The following GRID2 variants were observed in gnomAD, a reference collection of about 807,000 sequenced individuals.
The protein encoded by GRID2 is glutamate receptor ionotropic, delta-2.
GRID2 carries 33 observed loss-of-function variants against 114.8 expected under a neutral mutation model. That is an observed-to-expected ratio of 0.29 (90% CI 0.22 to 0.38). GRID2 has a LOEUF of 0.38. Among genes scored for constraint, GRID2 ranks in the 10% least tolerant of loss-of-function variants. The pLI, the probability that GRID2 is intolerant of heterozygous loss-of-function variation, is 1.00. For synonymous variants in GRID2, 505 were observed against 449.9 expected, an observed-to-expected ratio of 1.12 and a Z score of -1.55; for missense variants, 1,184 against 1,257.7, an observed-to-expected ratio of 0.94 and a Z score of 0.89.
intron 11 of GRID2, among the ~76,000 whole-genome samples, chr4:93,471,654 C>T (rs1371105488): frequency 6.9e-6 from 1 of 145,584 alleles, no homozygotes; most frequent in Non-Finnish European, 1.5e-5. Context: ...AGACATATTC[C>T]TTATTCATTA....
At chr4:92,380,093 C>T (rs771508663) in intron 1 of GRID2, among the ~76,000 whole-genome samples, 14 of 151,492 alleles carry the variant, frequency 9.2e-5, no homozygotes, top group Admixed American at 2.6e-4. Flanking sequence ...TATAATGGGC[C>T]CTTGATTTGT....
chr4:92,479,578 A>C (rs1722484309), intron 1 of GRID2, among the ~76,000 whole-genome samples: 1 of 152,180 alleles, frequency 6.6e-6, no homozygotes, highest in Admixed American at 6.6e-5. Flanking sequence ...AAACTGAGGC[A>C]CAGATACATT....
intron 2 of GRID2, among the ~76,000 whole-genome samples, chr4:92,983,467 A>G (rs1032000761): frequency 7.9e-5 from 12 of 152,142 alleles, no homozygotes; most frequent in African/African-American, 2.9e-4. Context: ...TGGTGAGGAC[A>G]TATTCAAACC....
chr4:93,616,789 G>A (rs1051622924), intron 13 of GRID2, among the ~76,000 whole-genome samples: 9 of 151,364 alleles, frequency 5.9e-5, no homozygotes, highest in Admixed American at 4.0e-4. Flanking sequence ...TGAGGCGATC[G>A]AGACCATCCT....
At chr4:93,358,715 T>C (rs767124826) in intron 8 of GRID2, among the ~76,000 whole-genome samples, 5 of 152,084 alleles carry the variant, frequency 3.3e-5, no homozygotes, top group Non-Finnish European at 7.4e-5. Context: ...TCTACCCAGA[T>C]TTTTCTTCTT....
At chr4:93,157,211 G>A (rs1737268857) in intron 4 of GRID2, among the ~76,000 whole-genome samples, 1 of 151,524 alleles carries the variant, frequency 6.6e-6, no homozygotes, top group South Asian at 2.1e-4. Context: ...TTCATACTCA[G>A]GGATGCCTAC....
At chr4:93,411,601 AT>A (rs1193986006) in intron 9 of GRID2, among the ~76,000 whole-genome samples, 2 of 151,854 alleles carry the variant, frequency 1.3e-5, no homozygotes, top group Non-Finnish European at 2.9e-5. Flanking sequence ...CACCTGGCTA[AT>A]TTTTGTAGTT....
At chr4:93,672,349 T>C (rs1479489438) in intron 14 of GRID2, among the ~76,000 whole-genome samples, 1 of 152,194 alleles carries the variant, frequency 6.6e-6, no homozygotes, top group East Asian at 1.9e-4. Flanking sequence ...GGGGTGTCGA[T>C]GGAGTGTGGA....
At chr4:92,538,502 A>G (rs189918390) in intron 1 of GRID2, among the ~76,000 whole-genome samples, 1 of 152,194 alleles carries the variant, frequency 6.6e-6, no homozygotes, top group Non-Finnish European at 1.5e-5. Flanking sequence ...GTCTCATGAG[A>G]AAGTATGACT....
At chr4:92,437,548 C>T (rs939055971) in intron 1 of GRID2, among the ~76,000 whole-genome samples, 2 of 152,182 alleles carry the variant, frequency 1.3e-5, no homozygotes, top group East Asian at 1.9e-4. Context: ...GGATTACAGG[C>T]GTGAGCTACT....
chr4:93,043,318 A>T (rs1725783364), intron 2 of GRID2, among the ~76,000 whole-genome samples: 1 of 152,334 alleles, frequency 6.6e-6, no homozygotes, highest in East Asian at 1.9e-4. Flanking sequence ...GATACCATTA[A>T]CATATAGAGT....
chr4:92,662,739 A>T (rs1190605623), intron 2 of GRID2, among the ~76,000 whole-genome samples: 1 of 151,220 alleles, frequency 6.6e-6, no homozygotes, highest in Non-Finnish European at 1.5e-5. Context: ...TATATTCCAA[A>T]TCAATTGTTT....
chr4:93,026,823 T>C (rs1723925405), intron 2 of GRID2, among the ~76,000 whole-genome samples: 1 of 152,046 alleles, frequency 6.6e-6, no homozygotes, highest in Admixed American at 6.6e-5. Flanking sequence ...ATCATTCATT[T>C]ATAATTTAAT....
In GRID2 at chr4:92,553,649, T is replaced by TAACTTTTCTTTTTTATCATC. The variant is rs558895418; in HGVS notation, c.89-36468_89-36467insATCATCAACTTTTCTTTTTT. Among the ~76,000 whole-genome samples, 774 of 152,172 alleles carry TAACTTTTCTTTTTTATCATC rather than the reference T, an allele frequency of 5.1e-3. 14 individuals are homozygous for TAACTTTTCTTTTTTATCATC. The East Asian group carries it at 0.059, about 12-fold the overall frequency. On this transcript the variant is annotated intron_variant, in intron 1 of 15. Coordinates refer to ENST00000282020, the MANE Select transcript of GRID2 (RefSeq NM_001510.4). Reference sequence around the variant, plus strand: ...CCCCAACTTCCCAAATCCTTATCATTAACTTTTCTTTTTTTTTATTTTTAG... The same window carrying TAACTTTTCTTTTTTATCATC: ...CCCCAACTTCCCAAATCCTTATCATTAACTTTTCTTTTTTATCATCAACTTTTCTTTTTTTTTATTTTTAG...
intron 8 of GRID2, among the ~76,000 whole-genome samples, chr4:93,336,957 T>G (rs1327386169): frequency 1.5e-5 from 2 of 135,336 alleles, no homozygotes; most frequent in African/African-American, 7.4e-5. Flanking sequence ...GTAAAAGATG[T>G]GGCATCCAAA....
intron 7 of GRID2, 95 bp from the exon 8 acceptor site, chr4:93,238,276 T>C: frequency 1.2e-6 from 1 of 803,102 alleles, no homozygotes; most frequent in South Asian, 2.1e-5. Context: ...TATTATTTTA[T>C]AGATAGAAGT....
intron 13 of GRID2, among the ~76,000 whole-genome samples, chr4:93,585,248 A>G (rs1226727500): frequency 2.0e-5 from 3 of 152,200 alleles, no homozygotes; most frequent in Admixed American, 2.0e-4. Flanking sequence ...GAAATCCCTC[A>G]GGATCTTGAT....
At chr4:92,967,889 T>C (rs1312475191) in intron 2 of GRID2, among the ~76,000 whole-genome samples, 1 of 151,868 alleles carries the variant, frequency 6.6e-6, no homozygotes, top group Non-Finnish European at 1.5e-5. Context: ...AATCTCTCCT[T>C]TCTCTGAATG....
At chr4:93,691,056 G>A (rs6532429) in intron 14 of GRID2, among the ~76,000 whole-genome samples, 84,201 of 150,244 alleles carry the variant, frequency 0.56, 24,077 homozygotes, top group East Asian at 0.72. Context: ...ACACTTGAAA[G>A]TCTTTTTCTG....
Sources: allele counts gnomAD v4.1 joint callset (sites outside exome capture counted in the v4.1 genomes callset), GRCh38; gene constraint gnomAD v4.1.1; transcripts MANE v1.5; gene names NCBI Gene and HGNC (gene_info 2026-07-23, HGNC 2026-07-21).